Variants in HIKESHI observed in about 807,000 individuals in gnomAD.
The protein encoded by HIKESHI is heat shock protein nuclear import factor hikeshi.
Under a neutral mutation model 25.7 loss-of-function variants are expected in HIKESHI, and 13 were observed. The observed-to-expected ratio is 0.51, with a 90% CI of 0.33 to 0.80. The LOEUF (loss-of-function observed/expected upper bound fraction) is 0.80, where lower values mean the gene tolerates loss of function less well. Ranked by LOEUF, HIKESHI falls within the 30% of genes least tolerant of loss-of-function variation. The pLI is 0.02. For synonymous variants in HIKESHI, 76 were observed against 78.7 expected (o/e 0.97, Z 0.18); for missense variants, 174 against 229.5 (o/e 0.76, Z 1.56).
At chr11:86,324,127 T>C (rs971673495) in intron 2 of HIKESHI, 1 of 152,214 alleles carries the variant, frequency 6.6e-6, no homozygotes, top group Non-Finnish European at 1.5e-5. Context: ...CTAGGCTGTT[T>C]CACCCCTTCT....
intron 2 of HIKESHI, among the ~76,000 whole-genome samples, chr11:86,315,070 A>T (rs970378603): frequency 2.6e-4 from 39 of 152,324 alleles, no homozygotes; most frequent in African/African-American, 8.2e-4. Flanking sequence ...GTGTCTCTTA[A>T]ATCATTTTTT....
chr11:86,309,496 A>C (rs537842902), intron 2 of HIKESHI, among the ~76,000 whole-genome samples: 266 of 152,254 alleles, frequency 1.7e-3, no homozygotes, highest in African/African-American at 6.3e-3. Context: ...GTAGATTGCA[A>C]AAATTTTCTC....
At chr11:86,315,927 G>A (rs1461619885) in intron 2 of HIKESHI, among the ~76,000 whole-genome samples, 1 of 151,912 alleles carries the variant, frequency 6.6e-6, no homozygotes, top group African/African-American at 2.4e-5. Flanking sequence ...TTGAGGTCCG[G>A]TTCTTAAAAA....
chr11:86,328,783 G>T (rs12292865), intron 2 of HIKESHI, among the ~76,000 whole-genome samples: 34,883 of 151,646 alleles, frequency 0.23, 4,972 homozygotes, highest in Non-Finnish European at 0.31. Context: ...CACCATGTTG[G>T]CTAGGCTGGT....
chr11:86,332,987 G>C (rs1947461137), intron 2 of HIKESHI, among the ~76,000 whole-genome samples: 1 of 152,138 alleles, frequency 6.6e-6, no homozygotes, highest in African/African-American at 2.4e-5. Flanking sequence ...AGCTTTTATT[G>C]AACAGAATGT....
chr11:86,332,216 G>A (rs888300594), intron 2 of HIKESHI, among the ~76,000 whole-genome samples: 7 of 151,814 alleles, frequency 4.6e-5, no homozygotes, highest in East Asian at 1.9e-4. Flanking sequence ...TGCCCGCCTC[G>A]GCCTCGCAAA....
chr11:86,333,566 A>AG, intron 2 of HIKESHI, among the ~76,000 whole-genome samples: 1 of 151,942 alleles, frequency 6.6e-6, no homozygotes, highest in Admixed American at 6.6e-5. Flanking sequence ...ACAAAAAAAA[A>AG]AAAGAAAAGA....
intron 2 of HIKESHI, among the ~76,000 whole-genome samples, chr11:86,307,430 A>G (rs1471359210): frequency 2.9e-5 from 4 of 137,462 alleles, no homozygotes; most frequent in Non-Finnish European, 4.5e-5. Context: ...TATGTGTAGT[A>G]TACATTATAT....
At chr11:86,320,664 A>G (rs1448023831) in intron 2 of HIKESHI, among the ~76,000 whole-genome samples, 1 of 152,240 alleles carries the variant, frequency 6.6e-6, no homozygotes, top group African/African-American at 2.4e-5. Flanking sequence ...AATTGCACAT[A>G]TTTGAAGTGT....
intron 2 of HIKESHI, among the ~76,000 whole-genome samples, chr11:86,313,915 G>A (rs1051363844): frequency 6.6e-6 from 1 of 152,142 alleles, no homozygotes; most frequent in Non-Finnish European, 1.5e-5. Context: ...AGAGGCATAA[G>A]GTGAAAGTTC....
intron 4 of HIKESHI, 197 bp downstream of exon 4, chr11:86,344,918 A>T (rs1288601435): frequency 7.5e-6 from 4 of 534,244 alleles, no homozygotes; most frequent in Non-Finnish European, 1.3e-5. Flanking sequence ...TATTGTCGCC[A>T]TTATGAATTT....
intron 2 of HIKESHI, among the ~76,000 whole-genome samples, chr11:86,306,856 C>T (rs972794148): frequency 4.0e-5 from 6 of 151,224 alleles, no homozygotes; most frequent in African/African-American, 7.3e-5. Flanking sequence ...AAAAATTAGC[C>T]GGGCGTGGTG....
intron 3 of HIKESHI, among the ~76,000 whole-genome samples, chr11:86,342,868 ATAGGTATTCTTCATAATAATTGTG>A (rs1394736873): frequency 6.6e-6 from 1 of 152,116 alleles, no homozygotes. Flanking sequence ...CAAAATATGT[ATAGGTATTCTTCATAATAATTGTG>A]TAGGTATTCT....
At chr11:86,337,703 G>A (rs571960938) in intron 3 of HIKESHI, among the ~76,000 whole-genome samples, 173 bp downstream of exon 3, 2 of 152,290 alleles carry the variant, frequency 1.3e-5, no homozygotes, top group African/African-American at 4.8e-5. Context: ...TGTTGCCCAG[G>A]CTGGAGTGCA....
At position 86,318,539 on chromosome 11, in the gene HIKESHI, C is replaced by G. The variant is rs189897041; in HGVS notation, c.268+12057C>G. Among the ~76,000 whole-genome samples, 602 of 151,708 alleles carry G rather than the reference C, an allele frequency of 4.0e-3. 3 individuals are homozygous for G. Among genetic ancestry groups the G allele is most frequent in the Middle Eastern group, 0.014 (4 of 294 alleles). On this transcript the variant is annotated intron_variant, in intron 2 of 4. Transcript: ENST00000278483. Reference sequence around the variant, plus strand: ...TTTTGAAGCCAATATAACCTTCATACCAACAATGGCCAAAGACAATATGAG... The same window carrying G: ...TTTTGAAGCCAATATAACCTTCATAGCAACAATGGCCAAAGACAATATGAG...
chr11:86,323,738 T>A (rs1947205684), intron 2 of HIKESHI, among the ~76,000 whole-genome samples: 1 of 152,200 alleles, frequency 6.6e-6, no homozygotes, highest in Non-Finnish European at 1.5e-5. Context: ...CACTTTAGGA[T>A]CATAAGAACA....
rs1285080225 is a variant in HIKESHI at position 86,318,833 on chromosome 11, C to G, written c.268+12351C>G. On this transcript the variant is annotated intron_variant, in intron 2 of 4. Coordinates refer to ENST00000278483, the MANE Select transcript of HIKESHI (RefSeq NM_016401.4). ...TTGAGAGCAGATTCTACAATTAGAA[C>G]ATGTAATCTGTAAATATTTTAATGT... is the stretch of plus-strand genomic sequence containing the variant. Among the ~76,000 whole-genome samples the G allele has an allele frequency of 2.0e-5, 3 of 152,060 alleles. No individual in the cohort carries two copies. In the East Asian group the frequency reaches 5.8e-4, roughly 29 times the overall value.
chr11:86,345,538 A>G (rs1340433204), intron 4 of HIKESHI, 46 bp from the exon 5 acceptor site: 7 of 1,123,878 alleles, frequency 6.2e-6, no homozygotes, highest in Non-Finnish European at 7.8e-6. Flanking sequence ...GAAAGATCCT[A>G]TTTTAATTTT....
chr11:86,307,115 T>C (rs1351411574), intron 2 of HIKESHI, among the ~76,000 whole-genome samples: 1 of 123,104 alleles, frequency 8.1e-6, no homozygotes, highest in African/African-American at 3.0e-5. Context: ...GTATCAAATA[T>C]ATATTATGTA....
Sources: allele counts gnomAD v4.1 joint callset (sites outside exome capture counted in the v4.1 genomes callset), GRCh38; gene constraint gnomAD v4.1.1; transcripts MANE v1.5; gene names NCBI Gene and HGNC (gene_info 2026-07-23, HGNC 2026-07-21).